The following FRS2 variants were observed in gnomAD, a reference collection of about 807,000 sequenced individuals.
The protein encoded by FRS2 is fibroblast growth factor receptor substrate 2.
Under a neutral mutation model 43.9 loss-of-function variants are expected in FRS2, and 8 were observed. The observed-to-expected ratio is 0.18, with a 90% CI of 0.11 to 0.33. FRS2 has a LOEUF of 0.33. Among genes scored for constraint, FRS2 ranks in the 10% least tolerant of loss-of-function variants. The pLI, the probability that FRS2 is intolerant of heterozygous loss-of-function variation, is 1.00. For synonymous variants in FRS2, 219 were observed against 220.3 expected, an observed-to-expected ratio of 0.99 and a Z score of 0.05; for missense variants, 534 against 627.6, an observed-to-expected ratio of 0.85 and a Z score of 1.59.
At chr12:69,564,560 T>C (rs1593062630) in intron 4 of FRS2, among the ~76,000 whole-genome samples, 1 of 152,360 alleles carries the variant, frequency 6.6e-6, no homozygotes, top group East Asian at 1.9e-4. Flanking sequence ...TCTGCCATGC[T>C]GGAAACTGCC....
intron 3 of FRS2, among the ~76,000 whole-genome samples, chr12:69,536,021 T>A (rs1877239548): frequency 6.6e-6 from 1 of 151,596 alleles, no homozygotes; most frequent in African/African-American, 2.4e-5. Context: ...TTACAGTTTT[T>A]TTTTAATTGT....
chr12:69,472,126 G>GC, intron 1 of FRS2, among the ~76,000 whole-genome samples: 1 of 151,750 alleles, frequency 6.6e-6, no homozygotes, highest in Non-Finnish European at 1.5e-5. Flanking sequence ...TCATTCTGCT[G>GC]CCCAGGCTGC....
chr12:69,518,382 C>T (rs944661204), intron 1 of FRS2, among the ~76,000 whole-genome samples: 2 of 150,624 alleles, frequency 1.3e-5, no homozygotes, highest in Non-Finnish European at 2.9e-5. Context: ...TAGTGTTTTC[C>T]TTCTGACAGA....
At chr12:69,559,689 C>CT (rs1046928498) in intron 3 of FRS2, among the ~76,000 whole-genome samples, 29 of 150,984 alleles carry the variant, frequency 1.9e-4, no homozygotes, top group African/African-American at 7.0e-4. Flanking sequence ...TTTCTTAACT[C>CT]TTCTTTTTCA....
intron 1 of FRS2, among the ~76,000 whole-genome samples, chr12:69,504,248 C>G (rs1873726141): frequency 6.6e-6 from 1 of 152,052 alleles, no homozygotes; most frequent in African/African-American, 2.4e-5. Flanking sequence ...ACCTGTAATC[C>G]CAGCTATTCG....
chr12:69,477,790 G>A (rs1381775982), intron 1 of FRS2, among the ~76,000 whole-genome samples: 3 of 150,044 alleles, frequency 2.0e-5, no homozygotes, highest in Non-Finnish European at 3.0e-5. Context: ...GCCCAGGCTG[G>A]AGTGCAGTGG....
chr12:69,516,355 A>G (rs1875030692), intron 1 of FRS2, among the ~76,000 whole-genome samples: 1 of 151,824 alleles, frequency 6.6e-6, no homozygotes, highest in African/African-American at 2.4e-5. Context: ...AGTAGCTGGG[A>G]TTACAGGCGT....
intron 1 of FRS2, among the ~76,000 whole-genome samples, chr12:69,522,410 G>C (rs1875771417): frequency 6.6e-6 from 1 of 152,076 alleles, no homozygotes; most frequent in African/African-American, 2.4e-5. Flanking sequence ...GTAGTAGTCT[G>C]TGATGGTATT....
chr12:69,511,650 A>G (rs543833955), intron 1 of FRS2, among the ~76,000 whole-genome samples: 4 of 152,288 alleles, frequency 2.6e-5, no homozygotes, highest in South Asian at 2.1e-4. Context: ...GTTGAGTTCT[A>G]TGATCCATTA....
At chr12:69,491,072 C>G (rs1233847717) in intron 1 of FRS2, among the ~76,000 whole-genome samples, 1 of 152,162 alleles carries the variant, frequency 6.6e-6, no homozygotes, top group East Asian at 1.9e-4. Flanking sequence ...GTTTATAGCA[C>G]ATTTTCTTCC....
At chr12:69,505,866 C>T (rs1873882449) in intron 1 of FRS2, among the ~76,000 whole-genome samples, 1 of 152,136 alleles carries the variant, frequency 6.6e-6, no homozygotes, top group Non-Finnish European at 1.5e-5. Context: ...ATGCAGATTC[C>T]AAGAATGTTT....
intron 1 of FRS2, among the ~76,000 whole-genome samples, chr12:69,496,347 G>T (rs540073457): frequency 6.6e-6 from 1 of 152,192 alleles, no homozygotes; most frequent in South Asian, 2.1e-4. Flanking sequence ...TGAGGCAAGA[G>T]AATTGCTTGA....
At chr12:69,538,197 TTATATATATA>T (rs151295024) in intron 3 of FRS2, among the ~76,000 whole-genome samples, 13,480 of 81,604 alleles carry the variant, frequency 0.17, 1,152 homozygotes, top group Non-Finnish European at 0.22. Context: ...AAAACAAATT[TTATATATATA>T]TATATATATA....
At chr12:69,533,035 G>T (rs1434791126) in intron 3 of FRS2, among the ~76,000 whole-genome samples, 1 of 152,152 alleles carries the variant, frequency 6.6e-6, no homozygotes, top group Non-Finnish European at 1.5e-5. Flanking sequence ...TACAAATGAG[G>T]AAACCAGTAG....
chr12:69,557,046 ATTCC>A (rs1879417052), intron 3 of FRS2, among the ~76,000 whole-genome samples: 1 of 152,216 alleles, frequency 6.6e-6, no homozygotes, highest in Non-Finnish European at 1.5e-5. Flanking sequence ...GGAAATAACA[ATTCC>A]TTTGAATTTC....
intron 3 of FRS2, among the ~76,000 whole-genome samples, chr12:69,556,723 TTTAG>T (rs1879388738): frequency 1.3e-5 from 2 of 152,336 alleles, no homozygotes; most frequent in Non-Finnish European, 2.9e-5. Flanking sequence ...TTACGTGTCT[TTTAG>T]TGTTTTATTG....
chr12:69,522,059 G>T (rs1000835152), intron 1 of FRS2, among the ~76,000 whole-genome samples: 11 of 152,178 alleles, frequency 7.2e-5, no homozygotes, highest in Non-Finnish European at 2.9e-5. Flanking sequence ...AACCAAACTT[G>T]CATCCCAGGG....
intron 1 of FRS2, among the ~76,000 whole-genome samples, chr12:69,504,662 TTTTA>T (rs1403864362): frequency 3.3e-5 from 5 of 152,248 alleles, no homozygotes; most frequent in African/African-American, 4.8e-5. Flanking sequence ...ATAATGTTCT[TTTTA>T]TTTAATGTAT....
intron 3 of FRS2, among the ~76,000 whole-genome samples, chr12:69,547,980 A>G (rs1320873226): frequency 3.3e-5 from 5 of 151,776 alleles, no homozygotes; most frequent in Admixed American, 6.6e-5. Context: ...ATAAGTAGCT[A>G]GGACTACAGG....
Sources: allele counts gnomAD v4.1 joint callset (sites outside exome capture counted in the v4.1 genomes callset), GRCh38; gene constraint gnomAD v4.1.1; transcripts MANE v1.5; gene names NCBI Gene and HGNC (gene_info 2026-07-23, HGNC 2026-07-21).